Variants in ZCCHC7 observed in about 807,000 individuals in gnomAD.
The protein encoded by ZCCHC7 is zinc finger CCHC domain-containing protein 7.
Under a neutral mutation model 52.0 loss-of-function variants are expected in ZCCHC7, and 35 were observed. The observed-to-expected ratio is 0.67, with a 90% CI of 0.51 to 0.89. The LOEUF (loss-of-function observed/expected upper bound fraction) is 0.89. ZCCHC7 is among the 40% of genes least tolerant of loss of function. ZCCHC7 has a pLI of 0.00. For missense variants in ZCCHC7, 574 were observed against 649.1 expected, an observed-to-expected ratio of 0.88 and a Z score of 1.26; for synonymous variants, 217 against 221.5, an observed-to-expected ratio of 0.98 and a Z score of 0.18.
chr9:37,331,446 T>C (rs1025552011), intron 6 of ZCCHC7, among the ~76,000 whole-genome samples: 9 of 151,648 alleles, frequency 5.9e-5, no homozygotes, highest in African/African-American at 2.2e-4. Flanking sequence ...GAGAATGTTA[T>C]TCTCTAAAGC....
chr9:37,267,842 T>G (rs528531683), intron 2 of ZCCHC7, among the ~76,000 whole-genome samples: 3 of 152,102 alleles, frequency 2.0e-5, no homozygotes, highest in African/African-American at 7.2e-5. Flanking sequence ...GTGCTGAGAT[T>G]ACAGGCGTGA....
At chr9:37,149,122 G>C (rs185718258) in intron 2 of ZCCHC7, among the ~76,000 whole-genome samples, 1 of 152,034 alleles carries the variant, frequency 6.6e-6, no homozygotes, top group Admixed American at 6.6e-5. Context: ...TTACTTCTGT[G>C]GTCCCAATGT....
At chr9:37,344,342 A>G (rs1588699771) in intron 6 of ZCCHC7, among the ~76,000 whole-genome samples, 1 of 152,170 alleles carries the variant, frequency 6.6e-6, no homozygotes, top group East Asian at 1.9e-4. Flanking sequence ...CAAACCCATC[A>G]TGGGCATCCC....
chr9:37,301,047 A>G (rs1175114079), intron 2 of ZCCHC7, among the ~76,000 whole-genome samples: 1 of 152,154 alleles, frequency 6.6e-6, no homozygotes, highest in Non-Finnish European at 1.5e-5. Flanking sequence ...CTAAGAACCT[A>G]ACCCTATTAG....
In ZCCHC7 at chr9:37,204,357, C is replaced by T. The variant is rs913833138; in HGVS notation, c.610+77415C>T. Among the ~76,000 whole-genome samples the T allele has an allele frequency of 2.4e-4, 36 of 152,118 alleles. 1 individual carries two copies. Among genetic ancestry groups the T allele is most frequent in the East Asian group, 7.7e-4 (4 of 5,180 alleles). Reference sequence around the variant, plus strand: ...TAGCTTTTGTTGCAATTGCTTTTGGCGATTTCATCATAAAATCTTTGCCCA... The same window carrying T: ...TAGCTTTTGTTGCAATTGCTTTTGGTGATTTCATCATAAAATCTTTGCCCA... On this transcript the variant is annotated intron_variant, in intron 2 of 8. Coordinates refer to ENST00000336755, the MANE Select transcript of ZCCHC7 (RefSeq NM_032226.3).
chr9:37,246,832 G>A (rs964540858), intron 2 of ZCCHC7, among the ~76,000 whole-genome samples: 1 of 152,084 alleles, frequency 6.6e-6, no homozygotes, highest in East Asian at 1.9e-4. Context: ...AGGCATCTTG[G>A]AACCTTGGAA....
At position 37,126,652 on chromosome 9, in the gene ZCCHC7, A is replaced by C; in HGVS notation, c.320A>C (p.Asn107Thr). The C allele has an allele frequency of 6.2e-7, 1 of 1,614,214 alleles. No homozygotes were observed. Among genetic ancestry groups the C allele is most frequent in the Non-Finnish European group, 8.5e-7 (1 of 1,180,036 alleles). ...EDSIYRCKGK[N>T]VRVQAQENAH... ...AGTATTTATAGATGTAAAGGAAAGA[A>C]TGTTAGAGTTCAAGCACAAGAAAAT... is the stretch of plus-strand genomic sequence containing the variant. The change falls in exon 2 of 9, where the codon AAT (asparagine) becomes ACT (threonine). Residue 107 changes from asparagine to threonine, a missense_variant. Physicochemically the swap from Asn to Thr is moderately conservative, Grantham distance 65. Around this residue, in one of 3 missense-constraint regions of ZCCHC7, gnomAD observed 403 missense variants for 461.2 expected, o/e 0.87. Transcript: ENST00000336755.
intron 2 of ZCCHC7, among the ~76,000 whole-genome samples, chr9:37,196,851 A>G (rs1466571244): frequency 6.6e-6 from 1 of 152,166 alleles, no homozygotes; most frequent in African/African-American, 2.4e-5. Context: ...TTTAATCTGT[A>G]GCCTTCTCAG....
At chr9:37,269,372 AGAGGCTACTGG>A (rs1473723701) in intron 2 of ZCCHC7, among the ~76,000 whole-genome samples, 1 of 152,134 alleles carries the variant, frequency 6.6e-6, no homozygotes, top group African/African-American at 2.4e-5. Flanking sequence ...ATACCAGTTA[AGAGGCTACTGG>A]GAGGCTGAGG....
At chr9:37,228,835 CTTT>C (rs573237575) in intron 2 of ZCCHC7, among the ~76,000 whole-genome samples, 2 of 130,458 alleles carry the variant, frequency 1.5e-5, no homozygotes, top group Non-Finnish European at 1.7e-5. Flanking sequence ...AAAGAGGGAA[CTTT>C]TTTTTTTTTT....
chr9:37,165,646 G>T (rs1465160498), intron 2 of ZCCHC7, among the ~76,000 whole-genome samples: 1 of 152,088 alleles, frequency 6.6e-6, no homozygotes, highest in East Asian at 1.9e-4. Context: ...ATCACATTTT[G>T]GTCATGCAAT....
At chr9:37,276,795 A>C (rs889736444) in intron 2 of ZCCHC7, among the ~76,000 whole-genome samples, 1 of 152,240 alleles carries the variant, frequency 6.6e-6, no homozygotes, top group Non-Finnish European at 1.5e-5. Flanking sequence ...ATTTACACTG[A>C]ATATGGGATC....
intron 2 of ZCCHC7, among the ~76,000 whole-genome samples, chr9:37,199,127 A>T (rs1251874730): frequency 6.6e-6 from 1 of 152,086 alleles, no homozygotes; most frequent in Non-Finnish European, 1.5e-5. Context: ...ATGGCCAATG[A>T]AAACATGCCC....
rs1381030810 is a variant in ZCCHC7, at chr9:37,222,327, GA to G, written c.611-79860del. 2.7e-4 allele frequency among the ~76,000 whole-genome samples: 33 copies of G among 120,678 alleles called. 1 individual carries two copies. In the East Asian group the frequency reaches 7.7e-3, roughly 28 times the overall value. The allele number at this position is 120,678 out of a possible 152,430, so 79.2% of individuals were successfully genotyped here. Reference sequence around the variant, plus strand: ...AAGGGATAAACAGACCAGAATAACAGAGTGTGTGTGTGTGTGTGTGTGTGTG... The same window carrying G: ...AAGGGATAAACAGACCAGAATAACAGGTGTGTGTGTGTGTGTGTGTGTGTG... On this transcript the variant is annotated intron_variant, in intron 2 of 8. Coordinates refer to ENST00000336755, the MANE Select transcript of ZCCHC7 (RefSeq NM_032226.3).
intron 2 of ZCCHC7, among the ~76,000 whole-genome samples, chr9:37,220,298 T>C (rs1043323740): frequency 6.6e-6 from 1 of 152,146 alleles, no homozygotes; most frequent in Non-Finnish European, 1.5e-5. Context: ...CCCAGCACTT[T>C]GGGAGGCCGA....
chr9:37,268,700 A>G (rs957203613), intron 2 of ZCCHC7, among the ~76,000 whole-genome samples: 5 of 152,186 alleles, frequency 3.3e-5, no homozygotes, highest in African/African-American at 1.2e-4. Context: ...TGCTGGGATT[A>G]CAGGCGTGAG....
chr9:37,199,663 TCTGTC>T (rs1267280156), intron 2 of ZCCHC7, among the ~76,000 whole-genome samples: 2,794 of 129,976 alleles, frequency 0.021, 86 homozygotes, highest in African/African-American at 0.075. Flanking sequence ...TGTCTGTCTG[TCTGTC>T]TTTCTCTCTG....
At chr9:37,334,970 T>A (rs1830588389) in intron 6 of ZCCHC7, among the ~76,000 whole-genome samples, 1 of 152,116 alleles carries the variant, frequency 6.6e-6, no homozygotes, top group African/African-American at 2.4e-5. Flanking sequence ...GTGTATCAAC[T>A]GGTAATAAAG....
At chr9:37,305,276 CA>C (rs551754146) in intron 4 of ZCCHC7, among the ~76,000 whole-genome samples, 271 of 152,278 alleles carry the variant, frequency 1.8e-3, no homozygotes, top group African/African-American at 5.9e-3. Context: ...TTCCCTCTTA[CA>C]TACCTTTCAT....
Sources: allele counts gnomAD v4.1 joint callset (sites outside exome capture counted in the v4.1 genomes callset), GRCh38; gene constraint gnomAD v4.1.1; regional missense constraint gnomAD v4.1.1; transcripts MANE v1.5; gene names NCBI Gene and HGNC (gene_info 2026-07-23, HGNC 2026-07-21).